Variants in CTDSPL observed in about 807,000 individuals in gnomAD.
CTDSPL encodes CTD small phosphatase like, also known as CTD small phosphatase-like protein.
A neutral mutation model predicts 30.5 loss-of-function variants in CTDSPL; 8 were observed. The observed-to-expected ratio is 0.26, with a 90% CI of 0.15 to 0.47. CTDSPL has a LOEUF of 0.47. Among genes scored for constraint, CTDSPL ranks in the 20% least tolerant of loss-of-function variants. The probability of loss-of-function intolerance (pLI) is 0.99; values close to 1 mark genes in which losing one functional copy is unlikely to be tolerated. For missense variants in CTDSPL, 248 were observed against 366.1 expected (o/e 0.68, Z 2.63); for synonymous variants, 110 against 137.9 (o/e 0.80, Z 1.42).
At chr3:37,878,737 A>T (rs767466598) in intron 1 of CTDSPL, among the ~76,000 whole-genome samples, 19 of 152,198 alleles carry the variant, frequency 1.2e-4, no homozygotes, top group Non-Finnish European at 2.4e-4. Context: ...TATTTTAGTC[A>T]CTTACCCAAA....
intron 1 of CTDSPL, among the ~76,000 whole-genome samples, chr3:37,930,138 G>T (rs989538817): frequency 2.0e-5 from 3 of 150,726 alleles, no homozygotes; most frequent in Admixed American, 1.3e-4. Context: ...AAGAAGAAGG[G>T]TATGGTGTTT....
At chr3:37,932,797 GGTCCCA>G (rs1698869537) in intron 1 of CTDSPL, among the ~76,000 whole-genome samples, 1 of 152,166 alleles carries the variant, frequency 6.6e-6, no homozygotes, top group Non-Finnish European at 1.5e-5. Context: ...TTCAGACTTT[GGTCCCA>G]GCCATTACAT....
chr3:37,900,880 C>T (rs941211573), intron 1 of CTDSPL, among the ~76,000 whole-genome samples: 5 of 152,166 alleles, frequency 3.3e-5, no homozygotes, highest in African/African-American at 1.2e-4. Context: ...CTTACTGCAA[C>T]CTCCGTCTCC....
intron 1 of CTDSPL, among the ~76,000 whole-genome samples, chr3:37,887,079 A>G (rs1698271094): frequency 6.6e-6 from 1 of 152,186 alleles, no homozygotes; most frequent in Non-Finnish European, 1.5e-5. Context: ...TCAGATTTCC[A>G]TCCAGGATGT....
intron 1 of CTDSPL, chr3:37,911,949 C>T (rs1698588422): frequency 3.8e-6 from 1 of 260,318 alleles, no homozygotes; most frequent in Admixed American, 4.9e-5. Flanking sequence ...GCAGTCCCAG[C>T]TACTCGGGAG....
intron 1 of CTDSPL, among the ~76,000 whole-genome samples, chr3:37,903,866 G>T (rs1405478738): frequency 1.3e-5 from 2 of 152,194 alleles, no homozygotes; most frequent in African/African-American, 4.8e-5. Flanking sequence ...CCAAGTCCAT[G>T]TGCAGTTGCT....
chr3:37,961,822 A>G (rs934900398), intron 3 of CTDSPL, among the ~76,000 whole-genome samples: 1 of 152,222 alleles, frequency 6.6e-6, no homozygotes, highest in African/African-American at 2.4e-5. Flanking sequence ...AGGAAGAGGT[A>G]CTACATCTGT....
At chr3:37,903,554 C>G (rs1038839275) in intron 1 of CTDSPL, among the ~76,000 whole-genome samples, 1 of 152,118 alleles carries the variant, frequency 6.6e-6, no homozygotes, top group Admixed American at 6.5e-5. Flanking sequence ...TCAGTAGTGG[C>G]TTTAGGTTAT....
At chr3:37,963,718 T>G (rs746936289) in intron 3 of CTDSPL, among the ~76,000 whole-genome samples, 1 of 152,200 alleles carries the variant, frequency 6.6e-6, no homozygotes, top group Non-Finnish European at 1.5e-5. Context: ...TATGGTTGGC[T>G]GAAGATACCC....
At chr3:37,949,010 C>CGG (rs1699077950) in intron 2 of CTDSPL, among the ~76,000 whole-genome samples, 1 of 150,280 alleles carries the variant, frequency 6.7e-6, no homozygotes, top group Non-Finnish European at 1.5e-5. Flanking sequence ...TTAGTAGAGA[C>CGG]GGGGTTTCAC....
chr3:37,912,782 C>G (rs1698598258), intron 1 of CTDSPL, among the ~76,000 whole-genome samples: 1 of 152,232 alleles, frequency 6.6e-6, no homozygotes. Flanking sequence ...TAAACCCTCA[C>G]AAGTCTAGTT....
intron 1 of CTDSPL, among the ~76,000 whole-genome samples, chr3:37,906,924 G>A (rs992569930): frequency 2.0e-5 from 3 of 151,282 alleles, no homozygotes; most frequent in East Asian, 1.9e-4. Flanking sequence ...AAACGAAGGC[G>A]TCTGTGTTCA....
intron 3 of CTDSPL, among the ~76,000 whole-genome samples, chr3:37,963,622 AC>A (rs1209098847): frequency 6.6e-6 from 1 of 152,240 alleles, no homozygotes; most frequent in Non-Finnish European, 1.5e-5. Context: ...AGACTAAAAT[AC>A]TTCAGATCAT....
At chr3:37,905,762 G>T (rs995878166) in intron 1 of CTDSPL, among the ~76,000 whole-genome samples, 1 of 152,234 alleles carries the variant, frequency 6.6e-6, no homozygotes, top group African/African-American at 2.4e-5. Context: ...ACACAGGTCT[G>T]AACAACATAG....
chr3:37,868,929 A>G (rs190389691), intron 1 of CTDSPL, among the ~76,000 whole-genome samples: 3 of 152,204 alleles, frequency 2.0e-5, no homozygotes, highest in East Asian at 1.9e-4. Context: ...ACTCTTGTCT[A>G]TATCTACAAA....
chr3:37,908,145 C>G (rs1053239184), intron 1 of CTDSPL, among the ~76,000 whole-genome samples: 1 of 152,218 alleles, frequency 6.6e-6, no homozygotes, highest in Admixed American at 6.5e-5. Flanking sequence ...CAAACGCTGC[C>G]TAGAAACCAC....
At chr3:37,964,715 A>T (rs773228833) in intron 4 of CTDSPL, 43 bp downstream of exon 4, 1 of 1,447,124 alleles carries the variant, frequency 6.9e-7, no homozygotes, top group Admixed American at 1.7e-5. Flanking sequence ...TTGTGATTTG[A>T]TAACAATTGT....
chr3:37,907,674 TAAG>T (rs1454229141), intron 1 of CTDSPL, among the ~76,000 whole-genome samples: 1 of 152,180 alleles, frequency 6.6e-6, no homozygotes, highest in Non-Finnish European at 1.5e-5. Flanking sequence ...GGGGGAATGT[TAAG>T]AACGTAGAGC....
At chr3:37,973,121 T>A (rs544127073) in intron 6 of CTDSPL, among the ~76,000 whole-genome samples, 1 of 152,326 alleles carries the variant, frequency 6.6e-6, no homozygotes, top group African/African-American at 2.4e-5. Context: ...GGAGTGGGAT[T>A]CAAAATCCTC....
Sources: gnomAD v4.1 joint callset for allele counts (sites outside exome capture counted in the v4.1 genomes callset) on GRCh38, gnomAD v4.1.1 for gene constraint, MANE v1.5 for transcripts, NCBI Gene and HGNC (gene_info 2026-07-23, HGNC 2026-07-21) for gene names.